UBE2E2: variants seen among roughly 807,000 people sequenced by gnomAD.
UBE2E2 encodes ubiquitin-conjugating enzyme E2 E2.
UBE2E2 carries 6 observed loss-of-function variants against 24.7 expected under a neutral mutation model. That is an observed-to-expected ratio of 0.24 (90% CI 0.13 to 0.48). UBE2E2 has a LOEUF of 0.48. UBE2E2 is among the 20% of genes least tolerant of loss of function. UBE2E2 has a pLI of 0.99. For synonymous variants in UBE2E2, 104 were observed against 83.6 expected, an observed-to-expected ratio of 1.24 and a Z score of -1.33; for missense variants, 169 against 245.0, an observed-to-expected ratio of 0.69 and a Z score of 2.07.
Position 23,474,572 on chromosome 3 carries a change from A to AT in UBE2E2, c.228-25035dup. On this transcript the variant is annotated intron_variant, in intron 3 of 5. Transcript: ENST00000396703. This position sits in a 1 kb window ranked among gnomAD's most constrained non-coding sequence, Gnocchi z 4.0. ...TGGTGATATCTAATCCACCTTCCTC[A>AT]TCTTCATAAATTAAGGATCTGAAAA... Among the ~76,000 whole-genome samples the AT allele has an allele frequency of 6.6e-6, 1 of 152,254 alleles. No homozygotes were observed. Among genetic ancestry groups the AT allele is most frequent in the East Asian group, 1.9e-4 (1 of 5,188 alleles).
chr3:23,392,617 C>T lies in UBE2E2; in HGVS notation c.228-106991C>T, dbSNP rs562651301. On this transcript the variant is annotated intron_variant, in intron 3 of 5. Coordinates refer to ENST00000396703, the MANE Select transcript of UBE2E2 (RefSeq NM_152653.4). Reference sequence around the variant, plus strand: ...TGGAGAGTTTTAGAACAGAATATTGCATGGTCTAATTAGAGCAGAATATTA... The same window carrying T: ...TGGAGAGTTTTAGAACAGAATATTGTATGGTCTAATTAGAGCAGAATATTA... Among the ~76,000 whole-genome samples, 74 of 152,126 alleles carry T rather than the reference C, an allele frequency of 4.9e-4. 1 individual carries two copies. The South Asian group carries it at 0.015, about 32-fold the overall frequency.
At chr3:23,494,116 G>C (rs1420619092) in intron 3 of UBE2E2, among the ~76,000 whole-genome samples, 1 of 152,142 alleles carries the variant, frequency 6.6e-6, no homozygotes, top group Non-Finnish European at 1.5e-5. Flanking sequence ...CTTCATCATT[G>C]CTCTGTACTG....
At chr3:23,390,060 C>T (rs1268022913) in intron 3 of UBE2E2, among the ~76,000 whole-genome samples, 1 of 152,086 alleles carries the variant, frequency 6.6e-6, no homozygotes. Flanking sequence ...GTTGTGGTCC[C>T]CACTCAGCCA....
At chr3:23,497,917 G>T (rs1284061723) in intron 3 of UBE2E2, among the ~76,000 whole-genome samples, 1 of 152,174 alleles carries the variant, frequency 6.6e-6, no homozygotes, top group Non-Finnish European at 1.5e-5. Context: ...CAGTACATAG[G>T]AGTTCTAGTT....
chr3:23,450,944 T>C (rs1027994669), intron 3 of UBE2E2, among the ~76,000 whole-genome samples: 1 of 152,248 alleles, frequency 6.6e-6, no homozygotes, highest in Non-Finnish European at 1.5e-5. Context: ...ATTAAATTTG[T>C]AGTTTTACTG....
intron 5 of UBE2E2, among the ~76,000 whole-genome samples, chr3:23,568,257 C>G (rs763473828): frequency 1.5e-4 from 23 of 152,174 alleles, no homozygotes; most frequent in Non-Finnish European, 2.1e-4. Context: ...TCACAATTCC[C>G]TTGTCCTACT....
At chr3:23,255,843 A>T (rs1194703461) in intron 3 of UBE2E2, among the ~76,000 whole-genome samples, 1 of 152,184 alleles carries the variant, frequency 6.6e-6, no homozygotes, top group Non-Finnish European at 1.5e-5. Context: ...GCATACCTGT[A>T]GTTCTAGCTA....
chr3:23,400,612 A>ACACACACACACACACACACACATACT (rs1697198221), intron 3 of UBE2E2, among the ~76,000 whole-genome samples: 2 of 110,056 alleles, frequency 1.8e-5, no homozygotes, highest in African/African-American at 6.2e-5. Context: ...AATGAAACAC[A>ACACACACACACACACACACACATACT]CACACACACA....
At chr3:23,365,538 T>A (rs907234981) in intron 3 of UBE2E2, among the ~76,000 whole-genome samples, 1 of 152,040 alleles carries the variant, frequency 6.6e-6, no homozygotes, top group Non-Finnish European at 1.5e-5. Flanking sequence ...AAGAATAAAA[T>A]ACTTAGGATT....
At chr3:23,410,328 A>G (rs1697467045) in intron 3 of UBE2E2, among the ~76,000 whole-genome samples, 1 of 152,162 alleles carries the variant, frequency 6.6e-6, no homozygotes, top group Admixed American at 6.5e-5. Flanking sequence ...TTTAACCTTT[A>G]GGCTATCTTT....
At chr3:23,364,502 G>A (rs1054067598) in intron 3 of UBE2E2, among the ~76,000 whole-genome samples, 2 of 152,094 alleles carry the variant, frequency 1.3e-5, no homozygotes, top group African/African-American at 4.8e-5. Flanking sequence ...ACACCTCTAT[G>A]CATGCAAACT....
In UBE2E2 at chr3:23,531,092, A is replaced by G. The variant is rs143115636; in HGVS notation, c.361-1462A>G. Among the ~76,000 whole-genome samples the G allele has an allele frequency of 2.9e-4, 44 of 152,342 alleles. 1 individual carries two copies. Among genetic ancestry groups the G allele is most frequent in the Admixed American group, 8.5e-4 (13 of 15,304 alleles). On this transcript the variant is annotated intron_variant, in intron 4 of 5. Transcript: ENST00000396703. ...TGCTAGAAGGGCAGTTCTCATTAGA[A>G]GTACTAATTTAACCTGAGAATGATG...
intron 3 of UBE2E2, among the ~76,000 whole-genome samples, chr3:23,383,694 C>T (rs946118919): frequency 6.6e-6 from 1 of 151,880 alleles, no homozygotes. Flanking sequence ...AATTTGGAGC[C>T]TGGCAATATC....
At chr3:23,359,130 A>G (rs1348177343) in intron 3 of UBE2E2, among the ~76,000 whole-genome samples, 2 of 151,964 alleles carry the variant, frequency 1.3e-5, no homozygotes, top group African/African-American at 4.8e-5. Flanking sequence ...CAGATTCTTT[A>G]TTTGCTGCTT....
intron 3 of UBE2E2, among the ~76,000 whole-genome samples, chr3:23,453,953 A>T (rs1349008207): frequency 6.6e-6 from 1 of 152,228 alleles, no homozygotes; most frequent in African/African-American, 2.4e-5. Context: ...CTGCTATAAA[A>T]TAACTTAAAG....
intron 3 of UBE2E2, among the ~76,000 whole-genome samples, chr3:23,320,687 T>C (rs1694716243): frequency 6.6e-6 from 1 of 152,198 alleles, no homozygotes; most frequent in African/African-American, 2.4e-5. Context: ...ATCCCTCTGA[T>C]TGTTCCTCGG....
intron 3 of UBE2E2, among the ~76,000 whole-genome samples, chr3:23,363,416 A>G (rs76123394): frequency 0.029 from 4,465 of 152,332 alleles, 114 homozygotes; most frequent in East Asian, 0.13. Flanking sequence ...CTCACATGCA[A>G]TGACACTCAT....
At chr3:23,386,414 T>A (rs1270570562) in intron 3 of UBE2E2, among the ~76,000 whole-genome samples, 1 of 152,050 alleles carries the variant, frequency 6.6e-6, no homozygotes, top group Non-Finnish European at 1.5e-5. Flanking sequence ...GGGGTTAAGA[T>A]CTCAACATAT....
intron 5 of UBE2E2, among the ~76,000 whole-genome samples, chr3:23,547,536 CT>C (rs1358601874): frequency 5.9e-5 from 9 of 152,160 alleles, no homozygotes; most frequent in African/African-American, 2.2e-4. Flanking sequence ...ATACAGTAAG[CT>C]TGTTATTGGT....
Sources: allele counts gnomAD v4.1 joint callset (sites outside exome capture counted in the v4.1 genomes callset), GRCh38; gene constraint gnomAD v4.1.1; non-coding constraint Gnocchi (gnomAD v3.1); transcripts MANE v1.5; gene names NCBI Gene and HGNC (gene_info 2026-07-23, HGNC 2026-07-21).